The following MATN2 variants were observed in gnomAD, a reference collection of about 807,000 sequenced individuals.
The protein encoded by MATN2 is matrilin-2.
Under a neutral mutation model 103.2 loss-of-function variants are expected in MATN2, and 69 were observed. The ratio of observed to expected loss-of-function variants is 0.67; its 90% confidence interval spans 0.55 to 0.82. MATN2 has a LOEUF of 0.82. Ranked by LOEUF, MATN2 falls within the 40% of genes least tolerant of loss-of-function variation. The pLI, the probability that MATN2 is intolerant of heterozygous loss-of-function variation, is 0.00. For missense variants in MATN2, 1,023 were observed against 1,211.5 expected (o/e 0.84, Z 2.31); for synonymous variants, 429 against 450.2 (o/e 0.95, Z 0.60).
intron 6 of MATN2, among the ~76,000 whole-genome samples, chr8:97,990,336 A>G (rs1453075358): frequency 6.6e-6 from 1 of 152,222 alleles, no homozygotes; most frequent in Admixed American, 6.5e-5. Context: ...GTGAAGTCAT[A>G]TTGAGATAAT....
At chr8:97,969,556 T>G (rs1363501850) in intron 5 of MATN2, among the ~76,000 whole-genome samples, 1 of 152,122 alleles carries the variant, frequency 6.6e-6, no homozygotes, top group East Asian at 1.9e-4. Context: ...TGCAGTCACA[T>G]GTAGGGAGCA....
chr8:97,898,463 G>T (rs959842728), intron 2 of MATN2, among the ~76,000 whole-genome samples: 5 of 151,974 alleles, frequency 3.3e-5, no homozygotes, highest in Admixed American at 3.3e-4. Context: ...CAGGTGTGGT[G>T]GTGGGCACCT....
At chr8:97,932,198 A>C (rs1005240929) in intron 3 of MATN2, among the ~76,000 whole-genome samples, 5 of 152,186 alleles carry the variant, frequency 3.3e-5, no homozygotes, top group Admixed American at 1.3e-4. Flanking sequence ...GTTTTTCTTC[A>C]GCACATGGAG....
intron 2 of MATN2, among the ~76,000 whole-genome samples, chr8:97,921,418 TAC>T (rs1443652513): frequency 7.9e-5 from 12 of 152,322 alleles, no homozygotes; most frequent in African/African-American, 2.9e-4. Flanking sequence ...AACTGCATTC[TAC>T]AGTGTCAGGC....
chr8:97,872,797 C>T (rs1029600407), intron 1 of MATN2, among the ~76,000 whole-genome samples: 77 of 148,712 alleles, frequency 5.2e-4, no homozygotes, highest in African/African-American at 1.9e-3. Context: ...CCAAAGTCCC[C>T]CCGTTTTTTT....
intron 2 of MATN2, among the ~76,000 whole-genome samples, chr8:97,923,268 T>A (rs1809875152): frequency 6.6e-6 from 1 of 152,198 alleles, no homozygotes; most frequent in South Asian, 2.1e-4. Context: ...AGCTAGTTTT[T>A]TCTCTGTCCC....
At chr8:97,918,660 G>C (rs1422407863) in intron 2 of MATN2, among the ~76,000 whole-genome samples, 5 of 152,226 alleles carry the variant, frequency 3.3e-5, no homozygotes, top group Non-Finnish European at 7.3e-5. Flanking sequence ...TTAGGCGACT[G>C]TGTCTTGAGT....
rs946673466 is a variant in MATN2 at position 97,975,130 on chromosome 8, C to G, written c.959-3756C>G. ...AGCATACAACCCAGCCAATGTGAGG[C>G]GTGTACAGGTGTTTTAAAACACAGG... On this transcript the variant is annotated intron_variant, in intron 5 of 18. Transcript: ENST00000254898. Among the ~76,000 whole-genome samples the G allele has an allele frequency of 2.6e-5, 4 of 152,162 alleles. No individual in the cohort carries two copies. The South Asian group carries it at 8.3e-4, about 32-fold the overall frequency.
At chr8:98,011,136 G>T (rs574166565) in intron 10 of MATN2, among the ~76,000 whole-genome samples, 1 of 152,148 alleles carries the variant, frequency 6.6e-6, no homozygotes, top group African/African-American at 2.4e-5. Flanking sequence ...TGGGTTGTAG[G>T]GGGTGAGAGA....
intron 5 of MATN2, among the ~76,000 whole-genome samples, chr8:97,973,105 A>G (rs1811715272): frequency 6.6e-6 from 1 of 152,158 alleles, no homozygotes; most frequent in Admixed American, 6.5e-5. Context: ...TTAGATTCAC[A>G]TGCCTGGCAG....
intron 3 of MATN2, among the ~76,000 whole-genome samples, chr8:97,935,552 C>G (rs1282225051): frequency 6.6e-6 from 1 of 152,192 alleles, no homozygotes; most frequent in African/African-American, 2.4e-5. Flanking sequence ...GGGTCTCACT[C>G]TGTCACCCAG....
intron 5 of MATN2, among the ~76,000 whole-genome samples, chr8:97,964,946 C>G (rs1392721223): frequency 6.6e-6 from 1 of 152,062 alleles, no homozygotes; most frequent in Non-Finnish European, 1.5e-5. Flanking sequence ...GTTGCCCAGG[C>G]AGGTATTGAA....
chr8:97,883,260 G>A (rs530685823), intron 1 of MATN2, among the ~76,000 whole-genome samples: 7 of 144,044 alleles, frequency 4.9e-5, no homozygotes, highest in African/African-American at 1.5e-4. Context: ...ACTCCAGCCC[G>A]GGTGACAGAG....
intron 4 of MATN2, among the ~76,000 whole-genome samples, chr8:97,955,871 G>A (rs9693435): frequency 0.23 from 34,418 of 152,194 alleles, 4,453 homozygotes; most frequent in Non-Finnish European, 0.28. Flanking sequence ...GGATGCAGTG[G>A]ATAGCAGGGC....
At chr8:97,872,109 T>C (rs181012816) in intron 1 of MATN2, among the ~76,000 whole-genome samples, 1 of 152,230 alleles carries the variant, frequency 6.6e-6, no homozygotes. Flanking sequence ...CTTACTATTA[T>C]TGTCTGAGCC....
chr8:97,915,375 C>T (rs1276948013), intron 2 of MATN2, among the ~76,000 whole-genome samples: 1 of 152,188 alleles, frequency 6.6e-6, no homozygotes, highest in African/African-American at 2.4e-5. Flanking sequence ...GGTTCTCATA[C>T]TCTATCCCTA....
chr8:97,918,159 G>A (rs1027092171), intron 2 of MATN2, among the ~76,000 whole-genome samples: 4 of 152,322 alleles, frequency 2.6e-5, no homozygotes, highest in Admixed American at 6.5e-5. Flanking sequence ...TCTAGCGACC[G>A]TTCAGTGTGA....
rs1813011428 is a variant in MATN2, at chr8:98,007,433, C to T, written c.1451-46C>T. 6.3e-7 allele frequency: 1 copy of T among 1,594,756 alleles called. No individual in the cohort carries two copies. Among genetic ancestry groups the T allele is most frequent in the Non-Finnish European group, 8.6e-7 (1 of 1,164,902 alleles). ...GGTCACTTGATCCAATCACTGTCGC[C>T]CAGAGGTCTCACTGATAAAGGGCTG... is the stretch of plus-strand genomic sequence containing the variant. On this transcript the variant is annotated intron_variant, in intron 9 of 18. Transcript: ENST00000254898. This position sits in a 1 kb window ranked among gnomAD's most constrained non-coding sequence, Gnocchi z 4.2.
intron 6 of MATN2, among the ~76,000 whole-genome samples, chr8:97,992,264 T>G (rs1196030606): frequency 6.6e-6 from 1 of 152,198 alleles, no homozygotes; most frequent in Non-Finnish European, 1.5e-5. Flanking sequence ...CAAAGGTGAA[T>G]CTGGGTAAAG....
Sources: allele counts gnomAD v4.1 joint callset (sites outside exome capture counted in the v4.1 genomes callset), GRCh38; gene constraint gnomAD v4.1.1; non-coding constraint Gnocchi (gnomAD v3.1); transcripts MANE v1.5; gene names NCBI Gene and HGNC (gene_info 2026-07-23, HGNC 2026-07-21).